ANGPT1: variants seen among roughly 807,000 people sequenced by gnomAD.
The protein encoded by ANGPT1 is angiopoietin 1.
In ANGPT1, 17 loss-of-function variants were observed where a neutral mutation model predicts 62.2. The observed-to-expected ratio is 0.27, with a 90% CI of 0.19 to 0.41. The LOEUF is 0.41. Among genes scored for constraint, ANGPT1 ranks in the 10% least tolerant of loss-of-function variants. The pLI is 1.00. For synonymous variants in ANGPT1, 199 were observed against 198.9 expected (o/e 1.00, Z 0.00); for missense variants, 478 against 594.9 (o/e 0.80, Z 2.04).
intron 4 of ANGPT1, among the ~76,000 whole-genome samples, chr8:107,314,159 T>G (rs1011744463): frequency 3.3e-5 from 5 of 152,214 alleles, no homozygotes; most frequent in African/African-American, 1.2e-4. Flanking sequence ...GCTCCTTCGC[T>G]TTAGCCAACC....
At chr8:107,389,530 C>CT (rs949295418) in intron 1 of ANGPT1, among the ~76,000 whole-genome samples, 2 of 152,116 alleles carry the variant, frequency 1.3e-5, no homozygotes, top group African/African-American at 4.8e-5. Context: ...TTCTTAGTCT[C>CT]TGTTAGTTCC....
intron 1 of ANGPT1, among the ~76,000 whole-genome samples, chr8:107,484,017 C>A (rs1411125652): frequency 2.0e-5 from 3 of 152,212 alleles, no homozygotes; most frequent in African/African-American, 7.2e-5. Context: ...AATTTATACA[C>A]ATGTATGGTA....
chr8:107,370,695 T>C, intron 1 of ANGPT1, among the ~76,000 whole-genome samples: 1 of 63,672 alleles, frequency 1.6e-5, no homozygotes. Flanking sequence ...AGAGCAAGAC[T>C]CTGTCAAAAA....
chr8:107,344,462 C>G (rs1193545709), intron 2 of ANGPT1, among the ~76,000 whole-genome samples: 1 of 152,158 alleles, frequency 6.6e-6, no homozygotes, highest in Non-Finnish European at 1.5e-5. Context: ...CCATGGCCAG[C>G]AGAGTTATTC....
chr8:107,394,141 A>G (rs1315256950), intron 1 of ANGPT1, among the ~76,000 whole-genome samples: 2 of 152,152 alleles, frequency 1.3e-5, no homozygotes, highest in African/African-American at 4.8e-5. Context: ...TAGGGGTTAG[A>G]GCTGGAGAGC....
At chr8:107,338,491 A>G (rs182518140) in intron 2 of ANGPT1, among the ~76,000 whole-genome samples, 6 of 152,344 alleles carry the variant, frequency 3.9e-5, no homozygotes, top group Admixed American at 3.3e-4. Flanking sequence ...GAATGGTGAG[A>G]TGGAGCATTT....
At chr8:107,386,921 T>A (rs1017730868) in intron 1 of ANGPT1, among the ~76,000 whole-genome samples, 7 of 152,104 alleles carry the variant, frequency 4.6e-5, no homozygotes, top group African/African-American at 1.7e-4. Context: ...GATATAATTG[T>A]ATTATTTTTG....
chr8:107,466,562 G>C (rs796155775), intron 1 of ANGPT1, among the ~76,000 whole-genome samples: 1 of 152,032 alleles, frequency 6.6e-6, no homozygotes, highest in Non-Finnish European at 1.5e-5. Context: ...GGAATTATTC[G>C]TAAAGCCAAG....
At position 107,303,272 on chromosome 8, in the gene ANGPT1, T is replaced by C; in HGVS notation, c.904A>G (p.Ile302Val). 5 of 1,607,980 alleles carry C rather than the reference T, an allele frequency of 3.1e-6. No homozygotes were observed. Among genetic ancestry groups the C allele is most frequent in the Non-Finnish European group, 4.3e-6 (5 of 1,175,688 alleles). ...AGFNKSGIYT[I>V]YINNMPEPKK... ...GGTTCTGGCATATTATTAATATAAA[T>C]AGTGTAGATTCCACTTTTATTAAAA... The change falls in exon 5 of 9, where the codon ATT (isoleucine) becomes GTT (valine). Residue 302 changes from isoleucine (I) to valine (V), a missense_variant. Transcript: ENST00000517746.
chr8:107,329,045 T>G (rs1457644583), intron 3 of ANGPT1, among the ~76,000 whole-genome samples: 1 of 151,920 alleles, frequency 6.6e-6, no homozygotes, highest in East Asian at 1.9e-4. Flanking sequence ...CAAATTATTA[T>G]GAAATAAATA....
chr8:107,335,456 A>T (rs1380923604), intron 3 of ANGPT1, among the ~76,000 whole-genome samples: 1 of 152,218 alleles, frequency 6.6e-6, no homozygotes, highest in East Asian at 1.9e-4. Context: ...GTTCATCATC[A>T]ATGTTAATGA....
At chr8:107,284,882 T>C (rs756209386) in intron 6 of ANGPT1, 34 bp from the exon 7 acceptor site, 1 of 1,431,094 alleles carries the variant, frequency 7.0e-7, no homozygotes, top group East Asian at 2.5e-5. Flanking sequence ...GTTGTTACTT[T>C]AGAGAGGAAT....
At chr8:107,400,017 C>A (rs563292271) in intron 1 of ANGPT1, among the ~76,000 whole-genome samples, 2 of 152,236 alleles carry the variant, frequency 1.3e-5, no homozygotes, top group Admixed American at 6.5e-5. Context: ...CACATGCACA[C>A]CATCAAAAGG....
intron 1 of ANGPT1, among the ~76,000 whole-genome samples, chr8:107,453,414 T>C (rs772070365): frequency 1.3e-5 from 2 of 151,870 alleles, no homozygotes; most frequent in African/African-American, 2.4e-5. Context: ...ACAATTATGG[T>C]GGAAGGCAAG....
At chr8:107,357,060 A>G (rs1175746951) in intron 1 of ANGPT1, among the ~76,000 whole-genome samples, 3 of 152,194 alleles carry the variant, frequency 2.0e-5, no homozygotes, top group South Asian at 2.1e-4. Context: ...GTCCAGTTCT[A>G]CATTCATGCT....
chr8:107,284,371 T>TC (rs1554578669), intron 7 of ANGPT1: 1 of 172,088 alleles, frequency 5.8e-6, no homozygotes, highest in Non-Finnish European at 1.2e-5. Context: ...AGTATGAAAC[T>TC]TATCAGTTTT....
intron 1 of ANGPT1, among the ~76,000 whole-genome samples, chr8:107,477,170 T>C (rs1291623825): frequency 1.3e-5 from 2 of 152,164 alleles, no homozygotes; most frequent in African/African-American, 4.8e-5. Flanking sequence ...AAAACTGAAT[T>C]GCCTGACCTA....
At chr8:107,437,304 C>A (rs2130422137) in intron 1 of ANGPT1, among the ~76,000 whole-genome samples, 1 of 152,202 alleles carries the variant, frequency 6.6e-6, no homozygotes, top group African/African-American at 2.4e-5. Flanking sequence ...CTTGACTCTA[C>A]AAGAATCAGT....
intron 1 of ANGPT1, among the ~76,000 whole-genome samples, chr8:107,428,310 G>T (rs1811088830): frequency 6.6e-6 from 1 of 152,122 alleles, no homozygotes; most frequent in Non-Finnish European, 1.5e-5. Flanking sequence ...TCTAGCTCAT[G>T]CTGGGCAACT....
Sources: allele counts gnomAD v4.1 joint callset (sites outside exome capture counted in the v4.1 genomes callset), GRCh38; gene constraint gnomAD v4.1.1; transcripts MANE v1.5; gene names NCBI Gene and HGNC (gene_info 2026-07-23, HGNC 2026-07-21).